SLC8A2: variants seen among roughly 807,000 people sequenced by gnomAD.
SLC8A2 encodes sodium/calcium exchanger 2.
SLC8A2 carries 14 observed loss-of-function variants against 70.2 expected under a neutral mutation model. The observed-to-expected ratio is 0.20, with a 90% confidence interval of 0.13 to 0.31. The LOEUF (loss-of-function observed/expected upper bound fraction) is 0.31. SLC8A2 is among the 10% of genes least tolerant of loss of function. SLC8A2 has a pLI of 1.00. For synonymous variants in SLC8A2, 575 were observed against 594.3 expected (o/e 0.97, Z 0.47); for missense variants, 779 against 1,320.1 (o/e 0.59, Z 6.35).
chr19:47,465,627 G>T lies in SLC8A2; in HGVS notation c.675+102C>A. The T allele has an allele frequency of 1.0e-6, 1 of 1,002,232 alleles. No homozygotes were observed. The allele number at this position is 1,002,232 out of a possible 1,614,324, so 62.1% of individuals were successfully genotyped here. ...TGGCAGCCCTCTCAGATGTGAGTGT[G>T]CATTTCTGCAAATACAGCAATCAAC... On this transcript the variant is annotated intron_variant, in intron 2 of 9. Transcript: ENST00000236877. This position sits in a 1 kb window ranked among gnomAD's most constrained non-coding sequence, Gnocchi z 5.5.
chr19:47,457,734 CCTTT>C (rs970151728), intron 2 of SLC8A2, 140 bp from the exon 3 acceptor site: 102 of 439,510 alleles, frequency 2.3e-4, no homozygotes, highest in African/African-American at 1.4e-3. Context: ...TCTCCCTATC[CCTTT>C]CTGTTTCTTT....
At chr19:47,433,462 T>C (rs1329697095) in intron 8 of SLC8A2, among the ~76,000 whole-genome samples, 1 of 152,224 alleles carries the variant, frequency 6.6e-6, no homozygotes, top group African/African-American at 2.4e-5. Flanking sequence ...TTTGCCAGAA[T>C]TCCTCCTGTG....
chr19:47,441,502 AG>A, intron 4 of SLC8A2, 62 bp from the exon 5 acceptor site: 2 of 980,908 alleles, frequency 2.0e-6, no homozygotes, highest in Non-Finnish European at 3.2e-6. Context: ...CAGACTCACC[AG>A]GCAACCCTCC....
chr19:47,466,288 C>A lies in SLC8A2; in HGVS notation c.116G>T (p.Ser39Ile). The change falls in exon 2 of 10, where the codon AGC (serine) becomes ATC (isoleucine). Residue 39 changes from serine to isoleucine, a missense_variant. Ser to Ile is a moderately radical substitution (Grantham distance 142, BLOSUM62 -2). Coordinates refer to ENST00000236877, the MANE Select transcript of SLC8A2 (RefSeq NM_015063.3). The surrounding 1 kb of genome is among the most constrained non-coding windows in gnomAD (Gnocchi z 6.9). Reference protein sequence around the residue: ...PPPPANDSDTSTGGCQGSYRC... With the variant: ...PPPPANDSDTITGGCQGSYRC... ...GTAGGACCCCTGGCAGCCCCCTGTGCTGGTGTCGCTGTCATTGGCCGGGGG... is the reference window on the plus strand; with the variant it reads ...GTAGGACCCCTGGCAGCCCCCTGTGATGGTGTCGCTGTCATTGGCCGGGGG... The A allele has an allele frequency of 6.5e-7, 1 of 1,531,288 alleles. No homozygotes were observed. Among genetic ancestry groups the A allele is most frequent in the Non-Finnish European group, 8.8e-7 (1 of 1,135,828 alleles). 94.9% of individuals were successfully genotyped at this position (1,531,288 alleles called of 1,614,324 possible).
chr19:47,433,782 C>G (rs1966992505), intron 8 of SLC8A2, among the ~76,000 whole-genome samples: 1 of 152,090 alleles, frequency 6.6e-6, no homozygotes, highest in African/African-American at 2.4e-5. Flanking sequence ...GCTGGAATCA[C>G]AGGTGTGCAC....
Position 47,466,172 on chromosome 19 carries a change from C to T in SLC8A2, c.232G>A (p.Ala78Thr). Residue 78 changes from alanine (A) to threonine (T), a missense_variant, in exon 2 of 10, where the codon GCC becomes ACC. Physicochemically the swap from Ala to Thr is moderately conservative, Grantham distance 58. Transcript: ENST00000236877. This position sits in a 1 kb window ranked among gnomAD's most constrained non-coding sequence, Gnocchi z 6.9. ...KAARAVVYFV[A>T]MVYMFLGVSI... Reference sequence around the variant, plus strand: ...ACTCCCAGAAACATGTAGACCATGGCCACAAAGTACACCACTGCCCGTGCC... The same window carrying T: ...ACTCCCAGAAACATGTAGACCATGGTCACAAAGTACACCACTGCCCGTGCC... 1 of 1,614,204 alleles carries T rather than the reference C, an allele frequency of 6.2e-7. No homozygotes were observed. The highest frequency in any genetic ancestry group is 8.5e-7 in the Non-Finnish European group (1 of 1,180,030).
Position 47,430,482 on chromosome 19 carries a change from T to C in SLC8A2, c.2390-17A>G, listed in dbSNP as rs770100018. 1.3e-5 allele frequency: 21 copies of C among 1,583,460 alleles called. No individual in the cohort carries two copies. In the South Asian group the frequency reaches 1.7e-4, roughly 13 times the overall value. On this transcript the variant is annotated splice_polypyrimidine_tract_variant and intron_variant, in intron 9 of 9. Coordinates refer to ENST00000236877, the MANE Select transcript of SLC8A2 (RefSeq NM_015063.3). The surrounding 1 kb of genome is among the most constrained non-coding windows in gnomAD (Gnocchi z 5.9). ...CGAACGTGTCTGCGAGGCAGAGACA[T>C]ACAGGTCGGAGGGGCTTTGCGCCGC...
At chr19:47,455,886 A>G (rs753570120) in intron 3 of SLC8A2, among the ~76,000 whole-genome samples, 7 of 152,164 alleles carry the variant, frequency 4.6e-5, no homozygotes, top group Non-Finnish European at 8.8e-5. Flanking sequence ...GCTGTGAGAT[A>G]TGGTAGAGGG....
intron 6 of SLC8A2, among the ~76,000 whole-genome samples, chr19:47,439,425 G>C (rs547614263): frequency 6.6e-6 from 1 of 152,112 alleles, no homozygotes; most frequent in East Asian, 1.9e-4. Flanking sequence ...CCAGCTACTC[G>C]GGAGGCTGAG....
rs528479642 is a variant in SLC8A2 at position 47,455,478 on chromosome 19, C to A, written c.1340+1452G>T. Among the ~76,000 whole-genome samples, 3 of 152,264 alleles carry A rather than the reference C, an allele frequency of 2.0e-5. No individual in the cohort carries two copies. The South Asian group carries it at 6.2e-4, about 32-fold the overall frequency. ...AGGAGAATGTCAGCTCCATTTGGGC[C>A]GGGACTTTATGAGTTTTGTTCACCA... is the stretch of plus-strand genomic sequence containing the variant. On this transcript the variant is annotated intron_variant, in intron 3 of 9. Coordinates refer to ENST00000236877, the MANE Select transcript of SLC8A2 (RefSeq NM_015063.3).
rs1408022906 is a variant in SLC8A2, at chr19:47,448,267, GGGTC to G, written c.1341-40_1341-37del. Reference sequence around the variant, plus strand: ...GTGGGGAGGGGGAAGAGCGGGGTGAGGGTCGGTCATCGGCTGTGTGTTGTACGGG... The same window carrying G: ...GTGGGGAGGGGGAAGAGCGGGGTGAGGGTCATCGGCTGTGTGTTGTACGGG... On this transcript the variant is annotated intron_variant, in intron 3 of 9. Transcript: ENST00000236877. The surrounding 1 kb of genome is among the most constrained non-coding windows in gnomAD (Gnocchi z 4.8). 2 of 1,538,678 alleles carry G rather than the reference GGGTC, an allele frequency of 1.3e-6. No individual in the cohort carries two copies. The highest frequency in any genetic ancestry group is 1.8e-6 in the Non-Finnish European group (2 of 1,133,286).
rs560277487 is a variant in SLC8A2, at chr19:47,457,189, T to A, written c.1081A>T (p.Met361Leu). The change falls in exon 3 of 10, where the codon ATG becomes TTG. Residue 361 changes from methionine to leucine, a missense_variant. By Grantham distance (15) the Met-to-Leu change is conservative. This residue lies in a region of SLC8A2 where 186 missense variants were observed against 246.6 expected (regional missense o/e 0.75). Transcript: ENST00000236877. ...CGCAGCACGTTCCCGGCGCCGGTCA[T>A]CAGCCGCGTGGCCTGGATGCGGTAG... ...AFYRIQATRL[M>L]TGAGNVLRRH... 4 of 1,545,158 alleles carry A rather than the reference T, an allele frequency of 2.6e-6. No individual in the cohort carries two copies. In the East Asian group the frequency reaches 7.4e-5, roughly 29 times the overall value.
chr19:47,446,835 T>C (rs757471818), intron 4 of SLC8A2, among the ~76,000 whole-genome samples: 34 of 115,566 alleles, frequency 2.9e-4, no homozygotes, highest in Admixed American at 4.8e-4. Context: ...CCACCACGCC[T>C]GGCCCTGCCG....
At chr19:47,437,720 G>A in intron 7 of SLC8A2, 129 bp downstream of exon 7, 1 of 1,224,200 alleles carries the variant, frequency 8.2e-7, no homozygotes, top group Non-Finnish European at 1.2e-6. Flanking sequence ...GGCATGTGCT[G>A]TCCGTGGTCC....
At position 47,460,238 on chromosome 19, in the gene SLC8A2, C is replaced by T. The variant is rs560705950; in HGVS notation, c.676-2644G>A. Among the ~76,000 whole-genome samples, 42 of 152,336 alleles carry T rather than the reference C, an allele frequency of 2.8e-4. No homozygotes were observed. In the South Asian group the frequency reaches 6.8e-3, roughly 25 times the overall value. ...CTGCCTCATAAAACCAGTTCCCATG[C>T]ACAGCCAGGGCAGCTCTGAGTTGGG... is the stretch of plus-strand genomic sequence containing the variant. On this transcript the variant is annotated intron_variant, in intron 2 of 9. Coordinates refer to ENST00000236877, the MANE Select transcript of SLC8A2 (RefSeq NM_015063.3).
chr19:47,452,910 G>A (rs1178818147), intron 3 of SLC8A2, among the ~76,000 whole-genome samples: 1 of 152,034 alleles, frequency 6.6e-6, no homozygotes, highest in Non-Finnish European at 1.5e-5. Flanking sequence ...GTGCACACCT[G>A]TAATCCCAGC....
chr19:47,444,581 G>A (rs1599849283), intron 4 of SLC8A2, among the ~76,000 whole-genome samples: 3 of 152,238 alleles, frequency 2.0e-5, no homozygotes, highest in East Asian at 1.9e-4. Flanking sequence ...GACAGCTGCC[G>A]ACACAGTGAC....
In SLC8A2 at chr19:47,430,846, C is replaced by T. The variant is rs1966948517; in HGVS notation, c.2390-381G>A. Among the ~76,000 whole-genome samples the T allele has an allele frequency of 2.6e-5, 4 of 152,066 alleles. No individual in the cohort carries two copies. The highest frequency in any genetic ancestry group is 2.6e-4 in the Admixed American group (4 of 15,250). On this transcript the variant is annotated intron_variant, in intron 9 of 9. Transcript: ENST00000236877. The surrounding 1 kb of genome is among the most constrained non-coding windows in gnomAD (Gnocchi z 5.9). ...GGTTCAAGCGATTCTCTTGCCGGAG[C>T]CTCTGAGTAGCTGGGATTACAGGCG...
chr19:47,457,398 G>A lies in SLC8A2; in HGVS notation c.872C>T (p.Ala291Val), dbSNP rs1967320566. The A allele has an allele frequency of 1.3e-6, 2 of 1,565,206 alleles. No individual in the cohort carries two copies. Among genetic ancestry groups the A allele is most frequent in the South Asian group, 1.2e-5 (1 of 85,042 alleles). ...ELDGTFVGAE[A>V]PGELGGLGPG... ...GCCCAGGCCGCCCAGCTCACCTGGG[G>A]CCTCGGCGCCCACGAACGTGCCGTC... Residue 291 changes from alanine to valine, a missense_variant, in exon 3 of 10, where the codon GCC becomes GTC. By Grantham distance (64) the Ala-to-Val change is moderately conservative. Around this residue, in one of 6 missense-constraint regions of SLC8A2, gnomAD observed 186 missense variants for 246.6 expected, o/e 0.75. Transcript: ENST00000236877.
Sources: allele counts gnomAD v4.1 joint callset (sites outside exome capture counted in the v4.1 genomes callset), GRCh38; gene constraint gnomAD v4.1.1; regional missense constraint gnomAD v4.1.1; non-coding constraint Gnocchi (gnomAD v3.1); transcripts MANE v1.5; gene names NCBI Gene and HGNC (gene_info 2026-07-23, HGNC 2026-07-21).